ACTN1: variants seen among roughly 807,000 people sequenced by gnomAD.
ACTN1 encodes alpha-actinin-1.
In ACTN1, 30 loss-of-function variants were observed where a neutral mutation model predicts 119.6. That is an observed-to-expected ratio of 0.25 (90% CI 0.19 to 0.34). The LOEUF (loss-of-function observed/expected upper bound fraction) is 0.34. Ranked by LOEUF, ACTN1 falls within the 10% of genes least tolerant of loss-of-function variation. The pLI, the probability that ACTN1 is intolerant of heterozygous loss-of-function variation, is 1.00. For synonymous variants in ACTN1, 429 were observed against 472.6 expected, an observed-to-expected ratio of 0.91 and a Z score of 1.20; for missense variants, 764 against 1,223.4, an observed-to-expected ratio of 0.62 and a Z score of 5.60.
chr14:68,889,420 C>T (rs550800986), intron 11 of ACTN1, among the ~76,000 whole-genome samples: 10 of 152,356 alleles, frequency 6.6e-5, no homozygotes, highest in Admixed American at 4.6e-4. Context: ...AATGGGGTCC[C>T]CCATAAAACT....
rs1420393476 is a variant in ACTN1, at chr14:68,920,987, C to G, written c.340+19G>C. 6.2e-7 allele frequency: 1 copy of G among 1,613,292 alleles called. No homozygotes were observed. The highest frequency in any genetic ancestry group is 8.5e-7 in the Non-Finnish European group (1 of 1,179,540). On this transcript the variant is annotated intron_variant, in intron 3 of 21. Transcript: ENST00000394419. The stretch of plus-strand genomic sequence containing the variant: ...CAAAGAAAATCAGGCTCCTTGGGGC[C>G]ACCAGAGGTAGGCCTTACCTTCGGC...
chr14:68,942,386 AAAG>A (rs2035791562), intron 1 of ACTN1, among the ~76,000 whole-genome samples: 1 of 152,114 alleles, frequency 6.6e-6, no homozygotes, highest in Admixed American at 6.5e-5. Flanking sequence ...CTCAAAAAAA[AAAG>A]AACTTCCTGC....
intron 1 of ACTN1, chr14:68,936,885 C>T: frequency 1.7e-6 from 1 of 573,696 alleles, no homozygotes; most frequent in Admixed American, 1.9e-5. Context: ...GGGAAGCCCT[C>T]AATCCCCAGC....
At chr14:68,890,076 G>A in intron 11 of ACTN1, 63 bp downstream of exon 11, 1 of 1,578,318 alleles carries the variant, frequency 6.3e-7, no homozygotes, top group Non-Finnish European at 8.6e-7. Context: ...AGTGGCTGCT[G>A]GCTGGGCTGA....
In ACTN1 at chr14:68,979,122, C is replaced by A; in HGVS notation, c.-66G>T. 1.9e-6 allele frequency: 2 copies of A among 1,051,734 alleles called. No homozygotes were observed. Among genetic ancestry groups the A allele is most frequent in the Non-Finnish European group, 1.4e-6 (1 of 732,420 alleles). 65.2% of individuals were successfully genotyped at this position (1,051,734 alleles called of 1,614,324 possible). A position where few individuals can be genotyped will look rare whatever the true frequency, so the allele number is the denominator to read the frequency against. ...CTTCTCTCTGAGCAACGGCTGCTGC[C>A]CTGGCGTGGGGAGGGAGTAGGGCTG... On this transcript the variant is annotated 5_prime_UTR_variant, in exon 1 of 22. Coordinates refer to ENST00000394419, the MANE Select transcript of ACTN1 (RefSeq NM_001130004.2).
chr14:68,973,060 T>A (rs560418953), intron 1 of ACTN1, among the ~76,000 whole-genome samples: 2 of 152,314 alleles, frequency 1.3e-5, no homozygotes, highest in East Asian at 3.9e-4. Flanking sequence ...AGACTCACCA[T>A]GCCCAGATAA....
chr14:68,948,188 G>A (rs1467621973), intron 1 of ACTN1, among the ~76,000 whole-genome samples: 3 of 151,316 alleles, frequency 2.0e-5, no homozygotes, highest in Non-Finnish European at 4.4e-5. Context: ...CTTAGCAGAG[G>A]CACAACGGTG....
In ACTN1 at chr14:68,874,666, C is replaced by CT. The variant is rs937362483; in HGVS notation, c.*192dup. ...TGTAGTTTTTTGGTTTTTAACGTAA[C>CT]TTTTTTTTCTTTTTTGCAGAAAATA... is the stretch of plus-strand genomic sequence containing the variant. On this transcript the variant is annotated 3_prime_UTR_variant, in exon 22 of 22. Transcript: ENST00000394419. 11 of 469,850 alleles carry CT rather than the reference C, an allele frequency of 2.3e-5. No homozygotes were observed. The highest frequency in any genetic ancestry group is 2.1e-4 in the South Asian group (2 of 9,360). 29.1% of individuals were successfully genotyped at this position (469,850 alleles called of 1,614,324 possible). A position where few individuals can be genotyped will look rare whatever the true frequency, so the allele number is the denominator to read the frequency against.
chr14:68,978,151 G>A (rs2037133360), intron 1 of ACTN1: 1 of 456,068 alleles, frequency 2.2e-6, no homozygotes, highest in Non-Finnish European at 4.4e-6. Flanking sequence ...CCCAGTGACT[G>A]GCCCCAAATA....
rs113599841 is a variant in ACTN1 at position 68,893,643 on chromosome 14, G to A, written c.855+12C>T. The A allele has an allele frequency of 0.02, 32,734 of 1,602,680 alleles. 472 individuals are homozygous for A. Among genetic ancestry groups the A allele is most frequent in the Middle Eastern group, 0.077 (466 of 6,044 alleles). ...TGCTAGAGTCAGGCCAGGTGAACCC[G>A]GGGGTACCCACATCACTGGCCAGCT... On this transcript the variant is annotated intron_variant, in intron 9 of 21. Transcript: ENST00000394419.
At chr14:68,888,560 A>C (rs2032216533) in intron 11 of ACTN1, among the ~76,000 whole-genome samples, 1 of 152,120 alleles carries the variant, frequency 6.6e-6, no homozygotes, top group Non-Finnish European at 1.5e-5. Flanking sequence ...AACCCCCCTT[A>C]GCCAGTCAAG....
chr14:68,891,252 G>A (rs1437210588), intron 10 of ACTN1, among the ~76,000 whole-genome samples: 1 of 152,180 alleles, frequency 6.6e-6, no homozygotes, highest in Non-Finnish European at 1.5e-5. Flanking sequence ...ATTTTCTTCT[G>A]TGTGTTTCTC....
chr14:68,942,800 C>T (rs2035806985), intron 1 of ACTN1, among the ~76,000 whole-genome samples: 1 of 152,138 alleles, frequency 6.6e-6, no homozygotes, highest in African/African-American at 2.4e-5. Flanking sequence ...CACAGCTGCA[C>T]TGGGATGTAT....
intron 1 of ACTN1, among the ~76,000 whole-genome samples, chr14:68,929,163 G>A (rs1287550612): frequency 6.6e-6 from 1 of 152,188 alleles, no homozygotes; most frequent in African/African-American, 2.4e-5. Flanking sequence ...GTGGCCTTGT[G>A]CACCTCCGCA....
At chr14:68,903,989 A>G (rs2033509106) in intron 7 of ACTN1, among the ~76,000 whole-genome samples, 2 of 152,170 alleles carry the variant, frequency 1.3e-5, no homozygotes, top group Non-Finnish European at 2.9e-5. Flanking sequence ...CATCTGGGAC[A>G]GCAAGGCCTT....
chr14:68,949,020 C>T (rs969044292), intron 1 of ACTN1, among the ~76,000 whole-genome samples: 1 of 152,224 alleles, frequency 6.6e-6, no homozygotes, highest in Non-Finnish European at 1.5e-5. Context: ...TTGGTGAAAG[C>T]AGGCATCAGG....
intron 6 of ACTN1, among the ~76,000 whole-genome samples, chr14:68,906,008 A>G (rs894311995): frequency 6.6e-6 from 1 of 150,418 alleles, no homozygotes; most frequent in Non-Finnish European, 1.5e-5. Context: ...AACAGCAAAC[A>G]CCATATGGCT....
chr14:68,900,647 G>A (rs1182880065), intron 8 of ACTN1, among the ~76,000 whole-genome samples: 1 of 152,090 alleles, frequency 6.6e-6, no homozygotes, highest in African/African-American at 2.4e-5. Context: ...CTATGCCCAG[G>A]GCATAGGGAC....
chr14:68,942,495 CAGG>C (rs2035795063), intron 1 of ACTN1, among the ~76,000 whole-genome samples: 1 of 152,200 alleles, frequency 6.6e-6, no homozygotes, highest in African/African-American at 2.4e-5. Context: ...CAACACCACC[CAGG>C]AGGAAGTTTC....
Sources: allele counts gnomAD v4.1 joint callset (sites outside exome capture counted in the v4.1 genomes callset), GRCh38; gene constraint gnomAD v4.1.1; transcripts MANE v1.5; gene names NCBI Gene and HGNC (gene_info 2026-07-23, HGNC 2026-07-21).